The following CRTC3 variants were observed in gnomAD, a reference collection of about 807,000 sequenced individuals.
CRTC3 encodes the protein CREB regulated transcription coactivator 3, also known as CREB-regulated transcription coactivator 3.
In CRTC3, 26 loss-of-function variants were observed where a neutral mutation model predicts 74.5. The ratio of observed to expected loss-of-function variants is 0.35; its 90% CI spans 0.26 to 0.48. The LOEUF (loss-of-function observed/expected upper bound fraction) is 0.48. Among genes scored for constraint, CRTC3 ranks in the 20% least tolerant of loss-of-function variants. The pLI is 0.99. For missense variants in CRTC3, 760 were observed against 787.3 expected, an observed-to-expected ratio of 0.97 and a Z score of 0.41; for synonymous variants, 377 against 325.8, an observed-to-expected ratio of 1.16 and a Z score of -1.69.
At chr15:90,630,737 CTCTG>C (rs1195241271) in intron 11 of CRTC3, among the ~76,000 whole-genome samples, 2 of 150,130 alleles carry the variant, frequency 1.3e-5, no homozygotes, top group Non-Finnish European at 2.9e-5. Flanking sequence ...TTGTCACATC[CTCTG>C]TCTATTACAG....
intron 2 of CRTC3, among the ~76,000 whole-genome samples, chr15:90,556,322 A>G (rs1966889965): frequency 1.3e-5 from 2 of 152,190 alleles, no homozygotes; most frequent in Non-Finnish European, 2.9e-5. Flanking sequence ...TTCTGAAACC[A>G]AAGGGTAGAA....
chr15:90,542,829 G>GT (rs1966825024), intron 2 of CRTC3, among the ~76,000 whole-genome samples: 1 of 152,154 alleles, frequency 6.6e-6, no homozygotes, highest in Non-Finnish European at 1.5e-5. Flanking sequence ...TTACAGGCCA[G>GT]TTTTTTTGTA....
intron 1 of CRTC3, among the ~76,000 whole-genome samples, chr15:90,535,713 G>A (rs1966708571): frequency 6.6e-6 from 1 of 152,200 alleles, no homozygotes; most frequent in African/African-American, 2.4e-5. Flanking sequence ...CAGGATGGAG[G>A]AGAGAGAGAA....
intron 2 of CRTC3, among the ~76,000 whole-genome samples, chr15:90,569,294 A>G (rs373395345): frequency 6.8e-6 from 1 of 147,742 alleles, no homozygotes; most frequent in Non-Finnish European, 1.5e-5. Context: ...ATGAGCCACC[A>G]TACATGGCCT....
Position 90,642,211 on chromosome 15 carries a change from C to G in CRTC3, c.*71C>G. ...ATAGAATGGAATAGAATGAAGCCAGCTGATACCACGGGCTTTCGTTATCTT... is the reference window on the plus strand; with the variant it reads ...ATAGAATGGAATAGAATGAAGCCAGGTGATACCACGGGCTTTCGTTATCTT... On this transcript the variant is annotated 3_prime_UTR_variant, in exon 15 of 15. Coordinates refer to ENST00000268184, the MANE Select transcript of CRTC3 (RefSeq NM_022769.5). The G allele has an allele frequency of 1.6e-5, 22 of 1,336,708 alleles. No homozygotes were observed. Among genetic ancestry groups the G allele is most frequent in the Non-Finnish European group, 2.3e-5 (22 of 939,388 alleles). The allele number at this position is 1,336,708 out of a possible 1,614,324, so 82.8% of individuals were successfully genotyped here.
intron 2 of CRTC3, among the ~76,000 whole-genome samples, chr15:90,540,657 C>T (rs953074702): frequency 2.6e-5 from 4 of 152,062 alleles, no homozygotes; most frequent in African/African-American, 9.7e-5. Flanking sequence ...GCTGTAGTCC[C>T]AGCTACTTGG....
intron 13 of CRTC3, among the ~76,000 whole-genome samples, chr15:90,639,476 A>T (rs1414460125): frequency 1.0e-4 from 15 of 143,874 alleles, no homozygotes; most frequent in Non-Finnish European, 1.5e-4. Flanking sequence ...TTGAGACAGA[A>T]TCTTAATCTG....
chr15:90,618,065 G>A (rs998194766), intron 8 of CRTC3, 97 bp downstream of exon 8: 4 of 733,630 alleles, frequency 5.5e-6, no homozygotes, highest in Non-Finnish European at 7.2e-6. Context: ...GAGGAACTGG[G>A]GGAAAAGGAG....
At chr15:90,622,598 C>T (rs1315051737) in intron 9 of CRTC3, among the ~76,000 whole-genome samples, 2 of 152,194 alleles carry the variant, frequency 1.3e-5, no homozygotes, top group African/African-American at 2.4e-5. Flanking sequence ...TGCCTGTAAT[C>T]GCAGCACTTT....
In CRTC3 at chr15:90,625,778, C is replaced by G; in HGVS notation, c.752C>G (p.Ala251Gly). The G allele has an allele frequency of 6.2e-7, 1 of 1,613,100 alleles. No homozygotes were observed. The highest frequency in any genetic ancestry group is 8.5e-7 in the Non-Finnish European group (1 of 1,179,134). Residue 251 changes from alanine to glycine, a missense_variant and splice_region_variant, in exon 10 of 15, where the codon GCT (alanine) becomes GGT (glycine). By Grantham distance (60) the Ala-to-Gly change is moderately conservative. Coordinates refer to ENST00000268184, the MANE Select transcript of CRTC3 (RefSeq NM_022769.5). ...ATTCTTAATCTTTCTTTTTTCAGTG[C>G]TTTTCCACATAATGGTCAAAACCTA... ...PRSCDVGGGN[A>G]FPHNGQNLGL...
At chr15:90,613,191 A>AGG (rs1413378253) in intron 6 of CRTC3, among the ~76,000 whole-genome samples, 1,601 of 149,126 alleles carry the variant, frequency 0.011, 35 homozygotes, top group African/African-American at 0.038. Flanking sequence ...TCGGGAAAAA[A>AGG]AAAAAAAAAA....
intron 1 of CRTC3, among the ~76,000 whole-genome samples, chr15:90,531,922 A>C (rs1966633787): frequency 6.6e-6 from 1 of 152,040 alleles, no homozygotes; most frequent in Non-Finnish European, 1.5e-5. Context: ...TAAAAGCAAA[A>C]ATTTTTCACA....
chr15:90,549,140 G>A (rs1348841770), intron 2 of CRTC3, among the ~76,000 whole-genome samples: 2 of 152,118 alleles, frequency 1.3e-5, no homozygotes, highest in African/African-American at 4.8e-5. Context: ...AGCCTCATAT[G>A]TATGTATAGT....
chr15:90,572,416 T>C (rs919979238), intron 2 of CRTC3, among the ~76,000 whole-genome samples: 1 of 152,188 alleles, frequency 6.6e-6, no homozygotes, highest in South Asian at 2.1e-4. Flanking sequence ...TTGTGAGATA[T>C]GTTCCTAGAA....
intron 14 of CRTC3, 111 bp downstream of exon 14, chr15:90,641,310 T>G (rs1969433362): frequency 2.7e-6 from 2 of 745,424 alleles, no homozygotes; most frequent in Non-Finnish European, 4.5e-6. Flanking sequence ...AAAGTTAACG[T>G]TCCCTGGGTC....
chr15:90,639,629 T>C (rs892920058), intron 13 of CRTC3, among the ~76,000 whole-genome samples: 4 of 151,572 alleles, frequency 2.6e-5, no homozygotes, highest in Admixed American at 2.6e-4. Flanking sequence ...TTTATATTTT[T>C]AGTAGAGATG....
At chr15:90,636,738 G>A (rs1022048133) in intron 11 of CRTC3, among the ~76,000 whole-genome samples, 1 of 152,148 alleles carries the variant, frequency 6.6e-6, no homozygotes, top group Non-Finnish European at 1.5e-5. Flanking sequence ...CAAAAAGTGG[G>A]CGAAGGATAT....
chr15:90,548,258 A>G (rs931102742), intron 2 of CRTC3, among the ~76,000 whole-genome samples: 3 of 152,196 alleles, frequency 2.0e-5, no homozygotes, highest in African/African-American at 7.2e-5. Flanking sequence ...TACTTTTTAC[A>G]TCTCTGATTA....
At position 90,530,604 on chromosome 15, in the gene CRTC3, C is replaced by T. The variant is rs997776874; in HGVS notation, c.132+401C>T. On this transcript the variant is annotated intron_variant, in intron 1 of 14. Transcript: ENST00000268184. The surrounding 1 kb of genome is among the most constrained non-coding windows in gnomAD (Gnocchi z 6.2). Reference sequence around the variant, plus strand: ...GCTCCGAACATCCCCCACCATCGAGCCCTGCTGTTCTGCCGGCGTGGAAGG... The same window carrying T: ...GCTCCGAACATCCCCCACCATCGAGTCCTGCTGTTCTGCCGGCGTGGAAGG... 1 of 152,218 alleles carries T rather than the reference C, an allele frequency of 6.6e-6. No homozygotes were observed. Among genetic ancestry groups the T allele is most frequent in the Non-Finnish European group, 1.5e-5 (1 of 68,110 alleles). The allele number at this position is 152,218 out of a possible 1,614,324, so 9.4% of individuals were successfully genotyped here. A position where few individuals can be genotyped will look rare whatever the true frequency, so the allele number is the denominator to read the frequency against.
Sources: gnomAD v4.1 joint callset for allele counts (sites outside exome capture counted in the v4.1 genomes callset) on GRCh38, gnomAD v4.1.1 for gene constraint, Gnocchi (gnomAD v3.1) non-coding constraint, MANE v1.5 for transcripts, NCBI Gene and HGNC (gene_info 2026-07-23, HGNC 2026-07-21) for gene names.